Variants in RBFOX1 observed in about 807,000 individuals in gnomAD.
RBFOX1 encodes RNA binding fox-1 homolog 1, also known as RNA binding protein fox-1 homolog 1.
In RBFOX1, 8 loss-of-function variants were observed where a neutral mutation model predicts 57.7. The observed-to-expected ratio is 0.14, with a 90% CI of 0.08 to 0.25. The LOEUF (loss-of-function observed/expected upper bound fraction) is 0.25. Ranked by LOEUF, RBFOX1 falls within the 10% of genes least tolerant of loss-of-function variation. The pLI, the probability that RBFOX1 is intolerant of heterozygous loss-of-function variation, is 1.00. For missense variants in RBFOX1, 611 were observed against 548.5 expected (o/e 1.11, Z -1.14); for synonymous variants, 326 against 222.4 (o/e 1.47, Z -4.15).
At chr16:5,777,760 A>T (rs2151695677) in intron 3 of RBFOX1, among the ~76,000 whole-genome samples, 1 of 152,336 alleles carries the variant, frequency 6.6e-6, no homozygotes, top group South Asian at 2.1e-4. Context: ...CTACTTCTTT[A>T]ACTTACATTT....
intron 4 of RBFOX1, among the ~76,000 whole-genome samples, chr16:6,012,107 C>G (rs1045247008): frequency 2.0e-5 from 3 of 152,174 alleles, no homozygotes; most frequent in Non-Finnish European, 4.4e-5. Context: ...CCCGACAATG[C>G]TGGTTGAGAA....
chr16:5,956,678 A>ATTTATATATATATATATATTTT (rs1555456300), intron 4 of RBFOX1, among the ~76,000 whole-genome samples: 1 of 116,504 alleles, frequency 8.6e-6, no homozygotes, highest in African/African-American at 3.5e-5. Context: ...ATATATATAT[A>ATTTATATATATATATATATTTT]TTTTTTTTGA....
intron 4 of RBFOX1, among the ~76,000 whole-genome samples, chr16:7,079,979 T>A (rs1474426002): frequency 2.0e-5 from 3 of 149,572 alleles, no homozygotes; most frequent in Non-Finnish European, 4.4e-5. Flanking sequence ...TTTAAATTAG[T>A]TAAAATATTA....
chr16:6,882,818 T>C lies in RBFOX1; in HGVS notation c.-15-169239T>C, dbSNP rs193115256. On this transcript the variant is annotated intron_variant, in intron 3 of 15. Coordinates refer to ENST00000550418, the MANE Select transcript of RBFOX1 (RefSeq NM_018723.4). Reference sequence around the variant, plus strand: ...TCCTGGGGGGTATCAATTCTCTGTTTCTTTGCCCCTTTTCAGAGGCTTTAT... The same window carrying C: ...TCCTGGGGGGTATCAATTCTCTGTTCCTTTGCCCCTTTTCAGAGGCTTTAT... Among the ~76,000 whole-genome samples, 16 of 152,204 alleles carry C rather than the reference T, an allele frequency of 1.1e-4. No individual in the cohort carries two copies. The East Asian group carries it at 2.7e-3, about 26-fold the overall frequency.
chr16:6,915,550 C>CTTT (rs141753685), intron 3 of RBFOX1, among the ~76,000 whole-genome samples: 2 of 123,530 alleles, frequency 1.6e-5, no homozygotes, highest in Admixed American at 8.5e-5. Context: ...CCACACCCCC[C>CTTT]TTTTTTTTTT....
At position 5,374,084 on chromosome 16, in the gene RBFOX1, C is replaced by G. The variant is rs542166930; in HGVS notation, c.220-93132C>G. 3.9e-5 allele frequency among the ~76,000 whole-genome samples: 6 copies of G among 152,152 alleles called. No individual in the cohort carries two copies. The South Asian group carries it at 1.2e-3, about 32-fold the overall frequency. ...AGGCACCTGCCATCATGTGCAGGCA[C>G]CTGCCATCATGTGCGGCTAATTTTT... On this transcript the variant is annotated intron_variant, in intron 1 of 2. Coordinates refer to the RBFOX1 transcript ENST00000585867.
At chr16:5,606,996 TTGTC>T (rs1022423701) in intron 3 of RBFOX1, among the ~76,000 whole-genome samples, 107 of 152,290 alleles carry the variant, frequency 7.0e-4, no homozygotes, top group African/African-American at 2.5e-3. Flanking sequence ...AAGCTGGTGA[TTGTC>T]TGGATCCAAT....
intron 3 of RBFOX1, among the ~76,000 whole-genome samples, chr16:5,675,497 C>G (rs1287362372): frequency 6.6e-6 from 1 of 152,202 alleles, no homozygotes; most frequent in Non-Finnish European, 1.5e-5. Context: ...GCTCCCCAAA[C>G]ACAGCTGCCT....
In RBFOX1 at chr16:6,917,075, T is replaced by G. The variant is rs770486841; in HGVS notation, c.-15-134982T>G. ...GTTGTTGGACAGGCTAGTCCTGAAC[T>G]CATGATCTGAGGTTATCCACCTGCC... is the stretch of plus-strand genomic sequence containing the variant. On this transcript the variant is annotated intron_variant, in intron 3 of 15. Transcript: ENST00000550418. Among the ~76,000 whole-genome samples, 3 of 152,208 alleles carry G rather than the reference T, an allele frequency of 2.0e-5. No homozygotes were observed. The East Asian group carries it at 5.8e-4, about 29-fold the overall frequency.
At chr16:5,681,085 A>G (rs2050318151) in intron 3 of RBFOX1, among the ~76,000 whole-genome samples, 1 of 151,754 alleles carries the variant, frequency 6.6e-6, no homozygotes, top group African/African-American at 2.4e-5. Context: ...ATATATATAT[A>G]TATTTTGAGA....
chr16:6,428,925 A>G (rs2094002762), intron 2 of RBFOX1, among the ~76,000 whole-genome samples: 1 of 152,150 alleles, frequency 6.6e-6, no homozygotes, highest in Non-Finnish European at 1.5e-5. Context: ...AGTAAAGCGT[A>G]TTCTTAGATC....
At chr16:7,596,953 A>T (rs1479511231) in intron 8 of RBFOX1, among the ~76,000 whole-genome samples, 2 of 152,052 alleles carry the variant, frequency 1.3e-5, no homozygotes, top group Non-Finnish European at 2.9e-5. Flanking sequence ...TTTTTTTGAC[A>T]TTTATGTTCC....
At chr16:6,452,910 A>G (rs1375141800) in intron 2 of RBFOX1, among the ~76,000 whole-genome samples, 1 of 152,198 alleles carries the variant, frequency 6.6e-6, no homozygotes, top group Non-Finnish European at 1.5e-5. Flanking sequence ...ACAGCTTTGC[A>G]CCTAGAAGGT....
chr16:6,793,348 T>C (rs2083333370), intron 3 of RBFOX1, among the ~76,000 whole-genome samples: 1 of 152,160 alleles, frequency 6.6e-6, no homozygotes, highest in Admixed American at 6.5e-5. Flanking sequence ...TTTTCCAAAA[T>C]ATGATTTTCT....
intron 3 of RBFOX1, among the ~76,000 whole-genome samples, chr16:5,627,365 A>G (rs974245736): frequency 1.3e-5 from 2 of 152,162 alleles, no homozygotes; most frequent in African/African-American, 4.8e-5. Flanking sequence ...AACAGAAACC[A>G]AATTGTGTAT....
chr16:6,664,921 G>C (rs1004776796), intron 3 of RBFOX1, among the ~76,000 whole-genome samples: 10 of 152,284 alleles, frequency 6.6e-5, no homozygotes, highest in African/African-American at 2.2e-4. Flanking sequence ...CAGCTGCATC[G>C]TCTATAAAAC....
At chr16:7,020,992 G>C (rs2038855913) in intron 3 of RBFOX1, among the ~76,000 whole-genome samples, 1 of 152,142 alleles carries the variant, frequency 6.6e-6, no homozygotes, top group African/African-American at 2.4e-5. Flanking sequence ...GTTGGGCATA[G>C]TGGCAGGCAT....
chr16:7,668,453 G>A (rs1179073214), intron 13 of RBFOX1, among the ~76,000 whole-genome samples: 3 of 152,152 alleles, frequency 2.0e-5, no homozygotes. Context: ...GAAAAAACCA[G>A]GACAGCTCAT....
chr16:7,164,041 T>A (rs1232529825), intron 4 of RBFOX1, among the ~76,000 whole-genome samples: 1 of 152,146 alleles, frequency 6.6e-6, no homozygotes. Context: ...TAGTGGTGAT[T>A]TCTGAGATTT....
Sources: gnomAD v4.1 joint callset for allele counts (sites outside exome capture counted in the v4.1 genomes callset) on GRCh38, gnomAD v4.1.1 for gene constraint, MANE v1.5 for transcripts, NCBI Gene and HGNC (gene_info 2026-07-23, HGNC 2026-07-21) for gene names.